The following SAP130 variants were observed in gnomAD, a reference collection of about 807,000 sequenced individuals.
SAP130 encodes the protein histone deacetylase complex subunit SAP130.
Under a neutral mutation model 103.2 loss-of-function variants are expected in SAP130, and 16 were observed. The ratio of observed to expected loss-of-function variants is 0.16; its 90% CI spans 0.10 to 0.24. The LOEUF is 0.24. Among genes scored for constraint, SAP130 ranks in the 10% least tolerant of loss-of-function variants. The probability of loss-of-function intolerance (pLI) is 1.00; values close to 1 mark genes in which losing one functional copy is unlikely to be tolerated. For missense variants in SAP130, 990 were observed against 1,359.7 expected (o/e 0.73, Z 4.28); for synonymous variants, 477 against 497.0 (o/e 0.96, Z 0.53).
At chr2:127,980,526 G>A (rs1224543026) in intron 14 of SAP130, among the ~76,000 whole-genome samples, 2 of 152,066 alleles carry the variant, frequency 1.3e-5, no homozygotes, top group African/African-American at 2.4e-5. Flanking sequence ...TAACAGAAAC[G>A]TACTCATGCA....
Position 127,955,428 on chromosome 2 carries a change from C to T in SAP130, c.2064-84G>A, listed in dbSNP as rs1481915889. On this transcript the variant is annotated intron_variant, in intron 15 of 20. Transcript: ENST00000643581. The surrounding 1 kb of genome is among the most constrained non-coding windows in gnomAD (Gnocchi z 4.9). ...ACATCTCAGAGGATGAGTATTTGTC[C>T]AATTATTTCTGTCCAGCACACTGCA... 3.4e-6 allele frequency: 3 copies of T among 871,296 alleles called. No individual in the cohort carries two copies. Among genetic ancestry groups the T allele is most frequent in the South Asian group, 3.4e-5 (2 of 58,418 alleles). The allele number at this position is 871,296 out of a possible 1,614,324, so 54.0% of individuals were successfully genotyped here.
chr2:128,027,751 C>T (rs1031885662), intron 1 of SAP130, among the ~76,000 whole-genome samples, 189 bp downstream of exon 1: 3 of 151,992 alleles, frequency 2.0e-5, no homozygotes, highest in African/African-American at 7.2e-5. Context: ...CGCCACAGGA[C>T]ACCCAGCCCC....
At chr2:127,960,739 A>G (rs977602024) in intron 15 of SAP130, among the ~76,000 whole-genome samples, 3 of 152,144 alleles carry the variant, frequency 2.0e-5, no homozygotes, top group South Asian at 4.1e-4. Flanking sequence ...CAATACCACT[A>G]TATCTCAGCA....
chr2:128,008,734 G>A (rs149035550), intron 7 of SAP130, among the ~76,000 whole-genome samples: 167 of 151,652 alleles, frequency 1.1e-3, no homozygotes, highest in Middle Eastern at 3.4e-3. Context: ...TGCCCCAGCT[G>A]GAATGCAGTG....
At chr2:127,979,946 C>T (rs984784510) in intron 14 of SAP130, among the ~76,000 whole-genome samples, 1 of 151,012 alleles carries the variant, frequency 6.6e-6, no homozygotes, top group African/African-American at 2.4e-5. Context: ...GGCACGATCT[C>T]AGCTCACTGC....
intron 16 of SAP130, among the ~76,000 whole-genome samples, chr2:127,954,430 T>A (rs1679692095): frequency 6.6e-6 from 1 of 151,806 alleles, no homozygotes; most frequent in African/African-American, 2.4e-5. Context: ...AAAACAAAAT[T>A]CCACATAAAT....
In SAP130 at chr2:128,000,108, G is replaced by A; in HGVS notation, c.1056C>T (p.Ala352=). The change falls in exon 9 of 21, where the codon GCC becomes GCT. Residue 352 remains alanine (A), a synonymous_variant. Transcript: ENST00000643581. The part of the protein sequence containing the change: ...IFSTGTPVAA[A]TVAPILATNT... Reference sequence around the variant, plus strand: ...TGGTTGCCAAAATAGGTGCTACTGTGGCTGCAGCCACTGGCGTGCCAGTAC... The same window carrying A: ...TGGTTGCCAAAATAGGTGCTACTGTAGCTGCAGCCACTGGCGTGCCAGTAC... 1 of 1,614,090 alleles carries A rather than the reference G, an allele frequency of 6.2e-7. No individual in the cohort carries two copies. Among genetic ancestry groups the A allele is most frequent in the Non-Finnish European group, 8.5e-7 (1 of 1,180,018 alleles).
chr2:128,005,591 A>G (rs1683899612), intron 7 of SAP130, among the ~76,000 whole-genome samples: 2 of 151,720 alleles, frequency 1.3e-5, no homozygotes, highest in Admixed American at 6.6e-5. Context: ...CTCCAGCCTG[A>G]GCAAGACTAG....
intron 1 of SAP130, chr2:128,027,276 G>A: frequency 8.7e-7 from 1 of 1,153,556 alleles, no homozygotes; most frequent in Non-Finnish European, 1.1e-6. Flanking sequence ...CCCGGCCGCC[G>A]CTGTGCTCGC....
rs146272235 is a variant in SAP130, at chr2:127,986,005, G to A, written c.1958+780C>T. Among the ~76,000 whole-genome samples the A allele has an allele frequency of 0.012, 1,901 of 152,230 alleles. 37 individuals are homozygous for A. Among genetic ancestry groups the A allele is most frequent in the African/African-American group, 0.042 (1,761 of 41,532 alleles). Reference sequence around the variant, plus strand: ...CAGGGCAGTCAAGAGAGCTGGGGCCGCTCCATCTCCCTTCTGGCTTCCCCC... The same window carrying A: ...CAGGGCAGTCAAGAGAGCTGGGGCCACTCCATCTCCCTTCTGGCTTCCCCC... On this transcript the variant is annotated intron_variant, in intron 14 of 20. Coordinates refer to ENST00000643581, the MANE Select transcript of SAP130 (RefSeq NM_001330301.2). The surrounding 1 kb of genome is among the most constrained non-coding windows in gnomAD (Gnocchi z 4.7).
chr2:127,955,261 T>C lies in SAP130; in HGVS notation c.2147A>G (p.Asp716Gly), dbSNP rs749627147. 9.3e-6 allele frequency: 15 copies of C among 1,613,902 alleles called. No homozygotes were observed. Among genetic ancestry groups the C allele is most frequent in the Middle Eastern group, 1.7e-4 (1 of 6,058 alleles). The change falls in exon 16 of 21, where the codon GAT (aspartate) becomes GGT (glycine). Residue 716 changes from aspartate (D) to glycine (G), a missense_variant. Physicochemically the swap from Asp to Gly is moderately conservative, Grantham distance 94. Transcript: ENST00000643581. The surrounding 1 kb of genome is among the most constrained non-coding windows in gnomAD (Gnocchi z 4.9). ...SMETVSNQNNDQPTIAVPPTA... is the reference protein window; with the variant it reads ...SMETVSNQNNGQPTIAVPPTA... ...TGGAGGGACGGCAATGGTAGGCTGATCATTATTTTGATTGGATACAGTCTC... is the reference window on the plus strand; with the variant it reads ...TGGAGGGACGGCAATGGTAGGCTGACCATTATTTTGATTGGATACAGTCTC...
In SAP130 at chr2:128,017,707, T is replaced by C. The variant is rs751558198; in HGVS notation, c.321A>G (p.Pro107=). ...TCATAAGTCCCTCCGAAAATGAAAG[T>C]GGCACTGCTGGCGTCAGGTGTGCTG... is the stretch of plus-strand genomic sequence containing the variant. The part of the protein sequence containing the change: ...APPAHLTPAV[P]LSFSEGLMKP... Residue 107 remains proline (P), a synonymous_variant, in exon 3 of 21, where the codon CCA becomes CCG. Coordinates refer to ENST00000643581, the MANE Select transcript of SAP130 (RefSeq NM_001330301.2). The C allele has an allele frequency of 1.2e-6, 2 of 1,614,192 alleles. No individual in the cohort carries two copies. Among genetic ancestry groups the C allele is most frequent in the Non-Finnish European group, 8.5e-7 (1 of 1,180,032 alleles).
intron 15 of SAP130, among the ~76,000 whole-genome samples, chr2:127,959,973 C>T (rs1295905354): frequency 6.6e-6 from 1 of 152,148 alleles, no homozygotes; most frequent in African/African-American, 2.4e-5. Flanking sequence ...GCACTACAGC[C>T]TCCAACTCTT....
At chr2:128,017,557 T>A in intron 3 of SAP130, 123 bp downstream of exon 3, 6 of 828,960 alleles carry the variant, frequency 7.2e-6, no homozygotes, top group Non-Finnish European at 1.1e-5. Flanking sequence ...GCTGAACTCA[T>A]ATGTCATAAA....
rs896843089 is a variant in SAP130, at chr2:128,026,266, T to C, written c.27A>G (p.Leu9=). 1.2e-6 allele frequency: 2 copies of C among 1,614,020 alleles called. No homozygotes were observed. The highest frequency in any genetic ancestry group is 1.6e-4 in the Middle Eastern group (1 of 6,082). ...GGCTCAGCCCGGTAGAAGGGGCTCCTAACCGAGGAAACTGTTGAGAACTCA... is the reference window on the plus strand; with the variant it reads ...GGCTCAGCCCGGTAGAAGGGGCTCCCAACCGAGGAAACTGTTGAGAACTCA... MSSQQFPR[L]GAPSTGLSQA... The change falls in exon 2 of 21, where the codon TTA becomes TTG. Residue 9 remains leucine (L), a synonymous_variant. Coordinates refer to ENST00000643581, the MANE Select transcript of SAP130 (RefSeq NM_001330301.2).
At chr2:128,027,164 C>T (rs1312162556) in intron 1 of SAP130, 5 of 1,291,056 alleles carry the variant, frequency 3.9e-6, no homozygotes, top group African/African-American at 3.1e-5. Flanking sequence ...GAGGGCCCAT[C>T]TCGGCGGCGG....
chr2:127,995,434 GACA>G (rs758041374), intron 11 of SAP130, among the ~76,000 whole-genome samples: 51 of 152,280 alleles, frequency 3.3e-4, no homozygotes, highest in Non-Finnish European at 6.2e-4. Context: ...CAAAATAGAT[GACA>G]GCAATGGATT....
At chr2:128,011,467 C>A (rs1382432312) in intron 6 of SAP130, among the ~76,000 whole-genome samples, 2 of 152,206 alleles carry the variant, frequency 1.3e-5, no homozygotes, top group African/African-American at 4.8e-5. Context: ...CCTTGCTTTT[C>A]ATCTACAGCC....
In SAP130 at chr2:127,942,004, G is replaced by C. The variant is rs1249930973; in HGVS notation, c.*2C>G. On this transcript the variant is annotated 3_prime_UTR_variant, in exon 21 of 21. Transcript: ENST00000643581. This position sits in a 1 kb window ranked among gnomAD's most constrained non-coding sequence, Gnocchi z 4.8. ...GCTTCCAATCTCCTGATTGTTCTGG[G>C]TCTAGACTTTTTCCTTTCGCTTCAA... is the stretch of plus-strand genomic sequence containing the variant. 6.3e-7 allele frequency: 1 copy of C among 1,579,082 alleles called. No individual in the cohort carries two copies. Among genetic ancestry groups the C allele is most frequent in the Admixed American group, 1.9e-5 (1 of 52,656 alleles).
Sources: allele counts gnomAD v4.1 joint callset (sites outside exome capture counted in the v4.1 genomes callset), GRCh38; gene constraint gnomAD v4.1.1; non-coding constraint Gnocchi (gnomAD v3.1); transcripts MANE v1.5; gene names NCBI Gene and HGNC (gene_info 2026-07-23, HGNC 2026-07-21).